Variants in ANKHD1 observed in about 807,000 individuals in gnomAD.
ANKHD1 encodes the protein ankyrin repeat and KH domain-containing protein 1.
Under a neutral mutation model 230.5 loss-of-function variants are expected in ANKHD1, and 31 were observed. The ratio of observed to expected loss-of-function variants is 0.13; its 90% confidence interval spans 0.10 to 0.18. The LOEUF (loss-of-function observed/expected upper bound fraction) is 0.18, where lower values mean the gene tolerates loss of function less well. Ranked by LOEUF, ANKHD1 falls within the 10% of genes least tolerant of loss-of-function variation. The pLI, the probability that ANKHD1 is intolerant of heterozygous loss-of-function variation, is 1.00. For missense variants in ANKHD1, 2,256 were observed against 3,071.3 expected, an observed-to-expected ratio of 0.73 and a Z score of 6.27; for synonymous variants, 1,074 against 1,117.6, an observed-to-expected ratio of 0.96 and a Z score of 0.78.
intron 25 of ANKHD1, among the ~76,000 whole-genome samples, chr5:140,525,621 G>A (rs982690718): frequency 1.3e-5 from 2 of 151,864 alleles, no homozygotes; most frequent in African/African-American, 4.8e-5. Flanking sequence ...CTGTAATCCC[G>A]CACTTTGGGA....
In ANKHD1 at chr5:140,496,904, G is replaced by GA; in HGVS notation, c.2631dup (p.Val878SerfsTer10). 6.2e-7 allele frequency: 1 copy of GA among 1,614,206 alleles called. No homozygotes were observed. The highest frequency in any genetic ancestry group is 1.1e-5 in the South Asian group (1 of 91,080). Reference sequence around the variant, plus strand: ...CTACACCAACAGTGCTCTCATAGAGGAGTCTTCCCAGAAGGGGAAGGAGAT... The same window carrying GA: ...CTACACCAACAGTGCTCTCATAGAGGAAGTCTTCCCAGAAGGGGAAGGAGAT... On this transcript the variant is annotated frameshift_variant, in exon 15 of 34. Coordinates refer to ENST00000360839, the MANE Select transcript of ANKHD1 (RefSeq NM_017747.3). LOFTEE classifies it high-confidence loss of function.
In ANKHD1 at chr5:140,476,614, G is replaced by A. The variant is rs561054486; in HGVS notation, c.1783-5966G>A. 1.9e-4 allele frequency among the ~76,000 whole-genome samples: 29 copies of A among 151,892 alleles called. 1 individual carries two copies. The highest frequency in any genetic ancestry group is 3.7e-4 in the Non-Finnish European group (25 of 67,900). ...GTACTTAAGTACCATTCTAGAGAAG[G>A]AAAAAATAAACATATTTTCAAATCT... is the stretch of plus-strand genomic sequence containing the variant. On this transcript the variant is annotated intron_variant, in intron 10 of 33. Coordinates refer to ENST00000360839, the MANE Select transcript of ANKHD1 (RefSeq NM_017747.3).
rs140324072 is a variant in ANKHD1, at chr5:140,490,550, G to C, written c.2245+3490G>C. On this transcript the variant is annotated intron_variant, in intron 14 of 33. Coordinates refer to ENST00000360839, the MANE Select transcript of ANKHD1 (RefSeq NM_017747.3). ...GTCCATAAAATATGAAACTCAGAGT[G>C]ACATGCTCAGTTTTCTAGCATTATT... Among the ~76,000 whole-genome samples the C allele has an allele frequency of 5.8e-4, 88 of 152,294 alleles. 1 individual carries two copies. In the East Asian group the frequency reaches 0.016, roughly 27 times the overall value.
intron 1 of ANKHD1, among the ~76,000 whole-genome samples, chr5:140,404,843 C>T (rs140121143): frequency 0.016 from 2,463 of 151,832 alleles, 44 homozygotes; most frequent in Non-Finnish European, 0.023. Context: ...TATAGGCACA[C>T]GCTACTGTGC....
Position 140,427,539 on chromosome 5 carries a change from G to A in ANKHD1, c.307-8565G>A, listed in dbSNP as rs1349339477. ...CACCTCCCGGACGGGGCGGCTGGCC[G>A]GGCGGGGGGCTGACCCCCCCACCTC... On this transcript the variant is annotated intron_variant, in intron 1 of 33. Coordinates refer to ENST00000360839, the MANE Select transcript of ANKHD1 (RefSeq NM_017747.3). Among the ~76,000 whole-genome samples the A allele has an allele frequency of 6.6e-4, 94 of 141,740 alleles. 1 individual carries two copies. In the South Asian group the frequency reaches 0.017, roughly 25 times the overall value. 93.0% of individuals were successfully genotyped at this position (141,740 alleles called of 152,430 possible).
intron 14 of ANKHD1, among the ~76,000 whole-genome samples, chr5:140,489,181 C>T (rs1258118190): frequency 6.7e-6 from 1 of 149,982 alleles, no homozygotes; most frequent in Non-Finnish European, 1.5e-5. Context: ...CAGAGCGAGA[C>T]CTTGTCTCCA....
intron 9 of ANKHD1, among the ~76,000 whole-genome samples, 163 bp from the exon 10 acceptor site, chr5:140,464,504 C>T (rs1040728862): frequency 2.0e-5 from 3 of 152,114 alleles, no homozygotes; most frequent in African/African-American, 7.2e-5. Context: ...TGGTATGACT[C>T]AAATTATTTT....
intron 7 of ANKHD1, among the ~76,000 whole-genome samples, chr5:140,457,289 A>G (rs544949224): frequency 1.3e-5 from 2 of 151,894 alleles, no homozygotes; most frequent in East Asian, 1.9e-4. Flanking sequence ...TGTGGTAGAC[A>G]GTGTGGCGAT....
At chr5:140,453,046 A>G (rs917979193) in intron 7 of ANKHD1, among the ~76,000 whole-genome samples, 5 of 152,236 alleles carry the variant, frequency 3.3e-5, no homozygotes, top group Non-Finnish European at 7.3e-5. Context: ...GCTGAAGACC[A>G]TGGCACAAGA....
intron 15 of ANKHD1, among the ~76,000 whole-genome samples, chr5:140,501,821 T>A (rs1004514499): frequency 1.3e-5 from 2 of 152,144 alleles, no homozygotes; most frequent in African/African-American, 4.8e-5. Context: ...AGATTTATTA[T>A]CTTCCATATT....
intron 14 of ANKHD1, 78 bp from the exon 15 acceptor site, chr5:140,496,442 T>C (rs1561798352): frequency 2.7e-6 from 3 of 1,131,848 alleles, no homozygotes; most frequent in Non-Finnish European, 3.6e-6. Flanking sequence ...AGGCTGGTTT[T>C]CTTTTTTTTT....
At position 140,533,275 on chromosome 5, in the gene ANKHD1, C is replaced by G. The variant is rs139398635; in HGVS notation, c.6851-2087C>G. Among the ~76,000 whole-genome samples, 62 of 152,128 alleles carry G rather than the reference C, an allele frequency of 4.1e-4. 1 individual carries two copies. In the East Asian group the frequency reaches 0.012, roughly 29 times the overall value. ...CCACCCTAGGCAGCATAGTGGGACCCTGTCTTGATAAAAAATAAATTTCAA... is the reference window on the plus strand; with the variant it reads ...CCACCCTAGGCAGCATAGTGGGACCGTGTCTTGATAAAAAATAAATTTCAA... On this transcript the variant is annotated intron_variant, in intron 29 of 33. Transcript: ENST00000360839.
chr5:140,493,783 A>G (rs1410080087), intron 14 of ANKHD1, among the ~76,000 whole-genome samples: 1 of 152,180 alleles, frequency 6.6e-6, no homozygotes, highest in African/African-American at 2.4e-5. Context: ...CTATTCATAA[A>G]TTACTCTTAG....
chr5:140,484,840 T>G (rs1016152518), intron 11 of ANKHD1: 5 of 216,724 alleles, frequency 2.3e-5, no homozygotes, highest in African/African-American at 1.2e-4. Flanking sequence ...TAAAACCAGT[T>G]TGGAAGTCAG....
rs545201855 is a variant in ANKHD1 at position 140,487,002 on chromosome 5, C to T, written c.2187C>T (p.Pro729=). 6.2e-7 allele frequency: 1 copy of T among 1,613,522 alleles called. No individual in the cohort carries two copies. The highest frequency in any genetic ancestry group is 8.5e-7 in the Non-Finnish European group (1 of 1,179,648). ...ATACACTTGCCATGGTTGTACCTCC[C>T]CAGGAACCTGACAGAACTTCACAGG... ...PTHTLAMVVP[P]QEPDRTSQEN... The change falls in exon 14 of 34, where the codon CCC becomes CCT. Residue 729 remains proline (P), a synonymous_variant. Transcript: ENST00000360839.
At chr5:140,478,995 T>TTTTATTTATTTA (rs10696182) in intron 10 of ANKHD1, among the ~76,000 whole-genome samples, 2 of 146,444 alleles carry the variant, frequency 1.4e-5, no homozygotes, top group Admixed American at 1.4e-4. Flanking sequence ...TTTTTTTAAT[T>TTTTATTTATTTA]TTTATTTATT....
At chr5:140,441,856 T>C (rs568566947) in intron 5 of ANKHD1, among the ~76,000 whole-genome samples, 2 of 152,110 alleles carry the variant, frequency 1.3e-5, no homozygotes, top group East Asian at 1.9e-4. Flanking sequence ...ATGTATCTTA[T>C]AACAACATGT....
intron 10 of ANKHD1, among the ~76,000 whole-genome samples, chr5:140,474,379 TC>T (rs1234765078): frequency 1.3e-5 from 2 of 152,186 alleles, no homozygotes; most frequent in African/African-American, 4.8e-5. Context: ...TTAGAGAATG[TC>T]CTCCCTCCAA....
At chr5:140,514,833 A>G (rs1366229189) in intron 24 of ANKHD1, among the ~76,000 whole-genome samples, 2 of 152,058 alleles carry the variant, frequency 1.3e-5, no homozygotes, top group Non-Finnish European at 2.9e-5. Context: ...TTCACCGGGC[A>G]TAGAGGTGCA....
Sources: allele counts gnomAD v4.1 joint callset (sites outside exome capture counted in the v4.1 genomes callset), GRCh38; gene constraint gnomAD v4.1.1; transcripts MANE v1.5; gene names NCBI Gene and HGNC (gene_info 2026-07-23, HGNC 2026-07-21).